Variants in FBN1 observed in about 807,000 individuals in gnomAD.
The protein encoded by FBN1 is fibrillin-1.
FBN1 carries 29 observed loss-of-function variants against 365.1 expected under a neutral mutation model. The observed-to-expected ratio is 0.08, with a 90% CI of 0.06 to 0.11. FBN1 has a LOEUF of 0.11. Among genes scored for constraint, FBN1 ranks in the 10% least tolerant of loss-of-function variants. The pLI is 1.00. For missense variants in FBN1, 2,476 were observed against 3,703.2 expected (o/e 0.67, Z 8.60); for synonymous variants, 1,210 against 1,270.5 (o/e 0.95, Z 1.01).
chr15:48,487,505 C>T lies in FBN1; in HGVS notation c.3338-68G>A, dbSNP rs878857950. 1.3e-5 allele frequency: 21 copies of T among 1,600,634 alleles called. No homozygotes were observed. In the South Asian group the frequency reaches 2.1e-4, roughly 16 times the overall value. On this transcript the variant is annotated intron_variant, in intron 27 of 65. Coordinates refer to ENST00000316623, the MANE Select transcript of FBN1 (RefSeq NM_000138.5). ...TCCTCCACCAGACCAAGCACTCCTCCCCCACCCATTGCTGGGTGTCCATCT... is the reference window on the plus strand; with the variant it reads ...TCCTCCACCAGACCAAGCACTCCTCTCCCACCCATTGCTGGGTGTCCATCT...
chr15:48,530,522 T>A (rs543840528), intron 8 of FBN1, among the ~76,000 whole-genome samples: 1 of 152,162 alleles, frequency 6.6e-6, no homozygotes, highest in Non-Finnish European at 1.5e-5. Context: ...GAGCCAGGCC[T>A]GCCTTATTTC....
At chr15:48,422,463 A>G (rs2042951381) in intron 60 of FBN1, among the ~76,000 whole-genome samples, 1 of 152,242 alleles carries the variant, frequency 6.6e-6, no homozygotes, top group African/African-American at 2.4e-5. Flanking sequence ...TAAAACATAA[A>G]GAGAAATGTT....
intron 7 of FBN1, among the ~76,000 whole-genome samples, chr15:48,537,075 G>A (rs905863844): frequency 1.5e-4 from 23 of 152,188 alleles, no homozygotes; most frequent in African/African-American, 5.6e-4. Flanking sequence ...GGAGGCAGGA[G>A]AAGCAGCTAG....
At position 48,539,359 on chromosome 15, in the gene FBN1, T is replaced by G. The variant is rs1013256323; in HGVS notation, c.539-1551A>C. On this transcript the variant is annotated intron_variant, in intron 6 of 65. Coordinates refer to ENST00000316623, the MANE Select transcript of FBN1 (RefSeq NM_000138.5). Reference sequence around the variant, plus strand: ...CATATATGTAAAGAAGACTACCATATCCAAGCTATGGCAGCACTGGAGAGA... The same window carrying G: ...CATATATGTAAAGAAGACTACCATAGCCAAGCTATGGCAGCACTGGAGAGA... Among the ~76,000 whole-genome samples the G allele has an allele frequency of 7.9e-5, 12 of 152,296 alleles. No homozygotes were observed. In the East Asian group the frequency reaches 2.3e-3, roughly 29 times the overall value.
intron 53 of FBN1, 150 bp downstream of exon 53, chr15:48,436,811 C>T (rs2043075489): frequency 2.9e-6 from 2 of 688,350 alleles, no homozygotes; most frequent in East Asian, 2.6e-5. Context: ...GATGGTGACT[C>T]ACTAGTATTC....
chr15:48,609,941 A>C (rs1198911592), intron 4 of FBN1, among the ~76,000 whole-genome samples: 1 of 152,226 alleles, frequency 6.6e-6, no homozygotes, highest in East Asian at 1.9e-4. Context: ...CACTTATTCC[A>C]CAATGTTTTT....
chr15:48,464,638 G>T (rs2043306291), intron 40 of FBN1, among the ~76,000 whole-genome samples: 1 of 152,184 alleles, frequency 6.6e-6, no homozygotes, highest in South Asian at 2.1e-4. Context: ...TCAAAGGTAG[G>T]CAGAGATAGA....
chr15:48,497,184 C>G (rs2043615171), intron 19 of FBN1, 82 bp downstream of exon 19: 1 of 1,564,354 alleles, frequency 6.4e-7, no homozygotes, highest in Non-Finnish European at 8.8e-7. Flanking sequence ...CTCTAAGCTA[C>G]TCAAAGGCAG....
chr15:48,520,905 A>T (rs1446381233), intron 9 of FBN1, 88 bp from the exon 10 acceptor site: 1 of 1,565,730 alleles, frequency 6.4e-7, no homozygotes, highest in Admixed American at 1.7e-5. Context: ...TCCATACTTC[A>T]CACTGGGGCT....
intron 25 of FBN1, among the ~76,000 whole-genome samples, chr15:48,489,113 C>A (rs577342877): frequency 9.2e-5 from 14 of 151,556 alleles, no homozygotes; most frequent in African/African-American, 2.7e-4. Flanking sequence ...TGGCTCACTG[C>A]AACCTCTGCC....
intron 49 of FBN1, among the ~76,000 whole-genome samples, chr15:48,442,638 G>A (rs557104294): frequency 6.6e-6 from 1 of 152,208 alleles, no homozygotes; most frequent in South Asian, 2.1e-4. Flanking sequence ...GTCCTAGTTT[G>A]CCTGGGGGAG....
chr15:48,494,316 G>A, intron 22 of FBN1, 62 bp from the exon 23 acceptor site: 1 of 1,286,282 alleles, frequency 7.8e-7, no homozygotes, highest in Non-Finnish European at 1.1e-6. Flanking sequence ...TCCAGACTTT[G>A]CAGTTCTGAC....
chr15:48,486,827 C>G (rs2043511018), intron 29 of FBN1, among the ~76,000 whole-genome samples: 1 of 152,132 alleles, frequency 6.6e-6, no homozygotes, highest in African/African-American at 2.4e-5. Flanking sequence ...CTAAAACATC[C>G]TATGTCCTTC....
rs1365239366 is a variant in FBN1 at position 48,411,004 on chromosome 15, C to T, written c.8602G>A (p.Val2868Ile). ...TGGATGGTGAATTAATGAAGCAAAA[C>T]CTGGATTTTCATCTTCAGATTATCA... is the stretch of plus-strand genomic sequence containing the variant. ...LGDNLKMKIQ[V>I]LLH The change falls in exon 66 of 66, where the codon GTT (valine) becomes ATT (isoleucine). Residue 2868 changes from valine (V) to isoleucine (I), a missense_variant. Transcript: ENST00000316623. 4.3e-6 allele frequency: 7 copies of T among 1,613,438 alleles called. No individual in the cohort carries two copies. Among genetic ancestry groups the T allele is most frequent in the Non-Finnish European group, 5.1e-6 (6 of 1,179,938 alleles).
chr15:48,474,858 G>A (rs999802808), intron 32 of FBN1, among the ~76,000 whole-genome samples: 4 of 152,126 alleles, frequency 2.6e-5, no homozygotes, highest in African/African-American at 9.7e-5. Flanking sequence ...ACTAGCTATT[G>A]TTAACTCTAA....
intron 4 of FBN1, among the ~76,000 whole-genome samples, chr15:48,610,100 T>G (rs1301506711): frequency 6.6e-6 from 1 of 152,098 alleles, no homozygotes; most frequent in East Asian, 1.9e-4. Context: ...CTTCAGCTTT[T>G]TAAACAACCA....
chr15:48,594,390 G>A (rs1005951091), intron 6 of FBN1, among the ~76,000 whole-genome samples: 1 of 152,258 alleles, frequency 6.6e-6, no homozygotes, highest in Middle Eastern at 3.4e-3. Context: ...GCCACTTGGG[G>A]ATGAATTTGA....
At chr15:48,617,457 G>A (rs1394092236) in intron 2 of FBN1, among the ~76,000 whole-genome samples, 2 of 152,144 alleles carry the variant, frequency 1.3e-5, no homozygotes, top group Non-Finnish European at 2.9e-5. Flanking sequence ...AAAGGTGTGA[G>A]CCACCGTGCC....
intron 6 of FBN1, among the ~76,000 whole-genome samples, chr15:48,557,959 G>A (rs752649060): frequency 5.3e-5 from 8 of 152,132 alleles, no homozygotes; most frequent in Non-Finnish European, 8.8e-5. Context: ...TCTCCTATGT[G>A]GCTAAGTTAA....
Sources: allele counts gnomAD v4.1 joint callset (sites outside exome capture counted in the v4.1 genomes callset), GRCh38; gene constraint gnomAD v4.1.1; transcripts MANE v1.5; gene names NCBI Gene and HGNC (gene_info 2026-07-23, HGNC 2026-07-21).